Variants in LARGE1 observed in about 807,000 individuals in gnomAD.
LARGE1 encodes xylosyl- and glucuronyltransferase LARGE1.
LARGE1 carries 43 observed loss-of-function variants against 87.6 expected under a neutral mutation model. The ratio of observed to expected loss-of-function variants is 0.49; its 90% CI spans 0.38 to 0.63. The LOEUF (loss-of-function observed/expected upper bound fraction) is 0.63, where lower values mean the gene tolerates loss of function less well. Ranked by LOEUF, LARGE1 falls within the 30% of genes least tolerant of loss-of-function variation. The pLI is 0.00. For synonymous variants in LARGE1, 434 were observed against 394.6 expected (o/e 1.10, Z -1.18); for missense variants, 802 against 1,000.2 (o/e 0.80, Z 2.67).
At chr22:33,645,551 A>C (rs2149160701) in intron 3 of LARGE1, among the ~76,000 whole-genome samples, 1 of 152,348 alleles carries the variant, frequency 6.6e-6, no homozygotes, top group Admixed American at 6.5e-5. Flanking sequence ...TTCATGACTG[A>C]AACACCAAAA....
chr22:33,556,924 T>G (rs2077708159), intron 6 of LARGE1, among the ~76,000 whole-genome samples: 1 of 152,086 alleles, frequency 6.6e-6, no homozygotes, highest in Non-Finnish European at 1.5e-5. Flanking sequence ...GGGAATCACT[T>G]GAACCCGGGA....
chr22:33,742,521 T>C (rs1331912125), intron 2 of LARGE1, among the ~76,000 whole-genome samples: 1 of 152,174 alleles, frequency 6.6e-6, no homozygotes, highest in African/African-American at 2.4e-5. Flanking sequence ...CCACTTGGTC[T>C]GAGGTTCAGA....
intron 9 of LARGE1, among the ~76,000 whole-genome samples, chr22:33,346,121 G>T (rs1939712891): frequency 6.6e-6 from 1 of 152,054 alleles, no homozygotes; most frequent in African/African-American, 2.4e-5. Context: ...GGCAATCCTA[G>T]TATTTCTTAA....
chr22:33,555,694 C>T (rs1219591560), intron 6 of LARGE1, among the ~76,000 whole-genome samples: 1 of 151,834 alleles, frequency 6.6e-6, no homozygotes, highest in Admixed American at 6.6e-5. Flanking sequence ...TTTGGGTGGC[C>T]GAGACAGGAG....
At chr22:33,287,714 A>C (rs962307135) in intron 12 of LARGE1, among the ~76,000 whole-genome samples, 1 of 152,230 alleles carries the variant, frequency 6.6e-6, no homozygotes, top group Non-Finnish European at 1.5e-5. Context: ...GATAGAATGC[A>C]GAGTCTTCCA....
At chr22:33,290,401 A>T (rs1932324588) in intron 12 of LARGE1, among the ~76,000 whole-genome samples, 1 of 152,134 alleles carries the variant, frequency 6.6e-6, no homozygotes, top group Non-Finnish European at 1.5e-5. Flanking sequence ...TACTTAATTA[A>T]TCTCTTGGTT....
At chr22:33,463,119 C>T (rs2068445921) in intron 6 of LARGE1, among the ~76,000 whole-genome samples, 1 of 151,620 alleles carries the variant, frequency 6.6e-6, no homozygotes, top group Admixed American at 6.6e-5. Context: ...AACTAGAAAG[C>T]ACAATATCAA....
At chr22:33,439,481 C>T (rs2067392135) in intron 6 of LARGE1, among the ~76,000 whole-genome samples, 1 of 152,118 alleles carries the variant, frequency 6.6e-6, no homozygotes, top group Admixed American at 6.5e-5. Context: ...GATGTACTCC[C>T]TCTGAACATC....
intron 11 of LARGE1, among the ~76,000 whole-genome samples, chr22:33,245,706 C>T (rs929603958): frequency 3.3e-5 from 5 of 152,114 alleles, no homozygotes; most frequent in South Asian, 2.1e-4. Context: ...GTCTGGAGTT[C>T]GAGACCAGTC....
intron 6 of LARGE1, among the ~76,000 whole-genome samples, chr22:33,501,798 G>C (rs181122143): frequency 6.6e-6 from 1 of 152,312 alleles, no homozygotes; most frequent in East Asian, 1.9e-4. Context: ...AGTCTAGTGG[G>C]TGACATGGAC....
chr22:33,840,590 C>T (rs16993145), intron 1 of LARGE1, among the ~76,000 whole-genome samples: 2,418 of 152,056 alleles, frequency 0.016, 64 homozygotes, highest in African/African-American at 0.054. Context: ...GGATCTATTG[C>T]CCTCCTTCAT....
intron 11 of LARGE1, among the ~76,000 whole-genome samples, chr22:33,241,589 T>TGTATATATGTAC (rs1222823972): frequency 6.6e-6 from 1 of 151,886 alleles, no homozygotes; most frequent in African/African-American, 2.4e-5. Flanking sequence ...TATATGTGTG[T>TGTATATATGTAC]GTATATATGT....
rs867033775 is a variant in LARGE1 at position 33,648,917 on chromosome 22, A to G, written c.408+1450T>C. On this transcript the variant is annotated intron_variant, in intron 3 of 14. Coordinates refer to ENST00000397394, the MANE Select transcript of LARGE1 (RefSeq NM_133642.5). ...AACACATAAAACAGAATGAGATACA[A>G]AACACGAGTGCAATATGTTTGCTGA... 2.6e-5 allele frequency among the ~76,000 whole-genome samples: 4 copies of G among 152,342 alleles called. No individual in the cohort carries two copies. In the South Asian group the frequency reaches 8.3e-4, roughly 32 times the overall value.
At chr22:33,641,983 C>T (rs1018017779) in intron 3 of LARGE1, among the ~76,000 whole-genome samples, 3 of 152,080 alleles carry the variant, frequency 2.0e-5, no homozygotes, top group African/African-American at 4.8e-5. Context: ...GGAGAACTTC[C>T]CCAACCTAGC....
intron 11 of LARGE1, among the ~76,000 whole-genome samples, chr22:33,167,434 GCCA>G (rs1337952191): frequency 6.6e-6 from 1 of 152,236 alleles, no homozygotes; most frequent in East Asian, 1.9e-4. Context: ...GCATATTTTG[GCCA>G]CTGTTAGAGC....
intron 5 of LARGE1, 103 bp downstream of exon 5, chr22:33,604,332 G>T (rs1569305853): frequency 4.1e-6 from 6 of 1,474,818 alleles, no homozygotes; most frequent in Admixed American, 3.4e-5. Context: ...CACATTTTCA[G>T]TTAGGAGCTG....
intron 2 of LARGE1, among the ~76,000 whole-genome samples, chr22:33,688,671 A>G (rs571555457): frequency 1.2e-4 from 19 of 152,094 alleles, no homozygotes; most frequent in African/African-American, 2.9e-4. Flanking sequence ...TTGAACTCAG[A>G]CTTCCAAAAG....
chr22:33,754,957 T>C (rs920246054), intron 2 of LARGE1, among the ~76,000 whole-genome samples: 2 of 152,178 alleles, frequency 1.3e-5, no homozygotes, highest in Admixed American at 6.5e-5. Flanking sequence ...CAGTCATGTC[T>C]GGACAAACCC....
At chr22:33,344,736 GGGGGCAGCAAGC>G (rs1939554608) in intron 9 of LARGE1, among the ~76,000 whole-genome samples, 5 of 150,252 alleles carry the variant, frequency 3.3e-5, no homozygotes, top group Admixed American at 2.7e-4. Context: ...TTGTTGGCTT[GGGGGCAGCAAGC>G]TGGTGACTGC....
Sources: gnomAD v4.1 joint callset for allele counts (sites outside exome capture counted in the v4.1 genomes callset) on GRCh38, gnomAD v4.1.1 for gene constraint, MANE v1.5 for transcripts, NCBI Gene and HGNC (gene_info 2026-07-23, HGNC 2026-07-21) for gene names.